Variants in DSCAM observed in about 807,000 individuals in gnomAD.
DSCAM encodes DS cell adhesion molecule.
A neutral mutation model predicts 217.7 loss-of-function variants in DSCAM; 47 were observed. That is an observed-to-expected ratio of 0.22 (90% CI 0.17 to 0.28). The LOEUF is 0.28. Among genes scored for constraint, DSCAM ranks in the 10% least tolerant of loss-of-function variants. The probability of loss-of-function intolerance (pLI) is 1.00; values close to 1 mark genes in which losing one functional copy is unlikely to be tolerated. For synonymous variants in DSCAM, 1,056 were observed against 1,015.3 expected, an observed-to-expected ratio of 1.04 and a Z score of -0.76; for missense variants, 2,080 against 2,618.3, an observed-to-expected ratio of 0.79 and a Z score of 4.49.
At chr21:40,073,226 G>A (rs979721126) in intron 27 of DSCAM, among the ~76,000 whole-genome samples, 2 of 152,192 alleles carry the variant, frequency 1.3e-5, no homozygotes, top group Non-Finnish European at 2.9e-5. Context: ...ATAGGAGTCA[G>A]GGAAAAGAAG....
rs2089468340 is a variant in DSCAM at position 40,081,934 on chromosome 21, A to C, written c.4232-1594T>G. Among the ~76,000 whole-genome samples the C allele has an allele frequency of 3.9e-5, 6 of 152,130 alleles. No homozygotes were observed. In the South Asian group the frequency reaches 1.2e-3, roughly 32 times the overall value. ...TGTTCTACCTCTCCCATGCTCTCACACTTGTAGAATCCAAGCCTCATTTCA... is the reference window on the plus strand; with the variant it reads ...TGTTCTACCTCTCCCATGCTCTCACCCTTGTAGAATCCAAGCCTCATTTCA... On this transcript the variant is annotated intron_variant, in intron 24 of 32. Transcript: ENST00000400454.
chr21:40,663,462 G>A (rs1397775616), intron 3 of DSCAM, among the ~76,000 whole-genome samples: 4 of 152,184 alleles, frequency 2.6e-5, no homozygotes, highest in African/African-American at 9.6e-5. Flanking sequence ...ACTGGACCAC[G>A]TACATCTATA....
At chr21:40,196,426 G>A (rs894625728) in intron 11 of DSCAM, among the ~76,000 whole-genome samples, 1 of 152,070 alleles carries the variant, frequency 6.6e-6, no homozygotes. Context: ...AGGCCCCACC[G>A]CACGTTGGCT....
chr21:40,627,281 T>C (rs2089614251), intron 3 of DSCAM, among the ~76,000 whole-genome samples: 1 of 152,202 alleles, frequency 6.6e-6, no homozygotes, highest in Non-Finnish European at 1.5e-5. Context: ...GAGATCACAG[T>C]GATAGCTGAG....
At chr21:40,696,100 T>C (rs1372374516) in intron 2 of DSCAM, among the ~76,000 whole-genome samples, 2 of 152,150 alleles carry the variant, frequency 1.3e-5, no homozygotes, top group Non-Finnish European at 2.9e-5. Flanking sequence ...AAAATACACT[T>C]TGTTTTAAAT....
chr21:40,663,231 A>G (rs2090159954), intron 3 of DSCAM, among the ~76,000 whole-genome samples: 2 of 110,370 alleles, frequency 1.8e-5, no homozygotes, highest in African/African-American at 3.5e-5. Context: ...GTGTGGGGGG[A>G]ATATAAGCAT....
chr21:40,459,518 A>G (rs56342505), intron 3 of DSCAM, among the ~76,000 whole-genome samples: 29,454 of 152,118 alleles, frequency 0.19, 3,409 homozygotes, highest in African/African-American at 0.31. Context: ...GCATGCTTTC[A>G]GATCCAAGAT....
intron 3 of DSCAM, among the ~76,000 whole-genome samples, chr21:40,532,905 T>C (rs1309636603): frequency 2.9e-4 from 32 of 109,728 alleles, no homozygotes; most frequent in African/African-American, 1.5e-3. Flanking sequence ...TGTGTGTGTG[T>C]GTGTGCACAC....
At chr21:40,475,969 G>T (rs140650984) in intron 3 of DSCAM, among the ~76,000 whole-genome samples, 4 of 152,120 alleles carry the variant, frequency 2.6e-5, no homozygotes, top group South Asian at 2.1e-4. Flanking sequence ...TATCTGTCAG[G>T]TTATCCAATC....
At chr21:40,565,952 C>A (rs148988049) in intron 3 of DSCAM, among the ~76,000 whole-genome samples, 1 of 152,270 alleles carries the variant, frequency 6.6e-6, no homozygotes, top group African/African-American at 2.4e-5. Flanking sequence ...CAACTTTACA[C>A]CCCAGCCAAG....
At chr21:40,134,121 T>C (rs2090183156) in intron 18 of DSCAM, 112 bp from the exon 19 acceptor site, 2 of 1,337,142 alleles carry the variant, frequency 1.5e-6, no homozygotes, top group Admixed American at 5.2e-5. Flanking sequence ...CGTCCAGCCA[T>C]CATCTGGACA....
intron 1 of DSCAM, among the ~76,000 whole-genome samples, chr21:40,720,736 T>G (rs1185437129): frequency 1.3e-5 from 2 of 151,916 alleles, no homozygotes; most frequent in Admixed American, 1.3e-4. Context: ...CCAGCTTACT[T>G]CCTGAGTTTC....
chr21:40,195,940 T>C (rs16999479), intron 11 of DSCAM, among the ~76,000 whole-genome samples: 10,304 of 152,308 alleles, frequency 0.068, 1,102 homozygotes, highest in African/African-American at 0.23. Flanking sequence ...TGCACAGTGT[T>C]GAATCAAAAT....
chr21:40,067,828 G>C (rs557838418), intron 27 of DSCAM, among the ~76,000 whole-genome samples: 2 of 148,066 alleles, frequency 1.4e-5, no homozygotes, highest in Non-Finnish European at 3.0e-5. Context: ...GATTCAAATA[G>C]CATTTCTCCT....
At position 40,075,076 on chromosome 21, in the gene DSCAM, G is replaced by A. The variant is rs772464092; in HGVS notation, c.4849C>T (p.Arg1617Trp). The change falls in exon 27 of 33, where the codon CGG becomes TGG. Residue 1617 changes from arginine to tryptophan, a missense_variant. Coordinates refer to ENST00000400454, the MANE Select transcript of DSCAM (RefSeq NM_001389.5). ...LLLFVLLLVV[R>W]RRRREQRLKR... ...AGCCTCTGCTCCCGCCGCCTCCTCC[G>A]CACAACCAGCAGGAGCACAAACAGC... 1.8e-5 allele frequency: 29 copies of A among 1,613,944 alleles called. No homozygotes were observed. The highest frequency in any genetic ancestry group is 4.0e-5 in the African/African-American group (3 of 74,880).
At chr21:40,241,460 T>G (rs191145846) in intron 11 of DSCAM, among the ~76,000 whole-genome samples, 1 of 152,302 alleles carries the variant, frequency 6.6e-6, no homozygotes, top group Non-Finnish European at 1.5e-5. Context: ...CCAGTCAGAA[T>G]AGCTATTATT....
chr21:40,311,343 A>T (rs1044294745), intron 9 of DSCAM, among the ~76,000 whole-genome samples: 1 of 152,252 alleles, frequency 6.6e-6, no homozygotes, highest in Non-Finnish European at 1.5e-5. Context: ...TGTTTGATAT[A>T]CATTAGAGAA....
chr21:40,384,264 A>C (rs560562695), intron 3 of DSCAM: 1 of 152,566 alleles, frequency 6.6e-6, no homozygotes, highest in African/African-American at 2.4e-5. Flanking sequence ...TGGTTAAAAC[A>C]GAGAATGCTG....
intron 3 of DSCAM, among the ~76,000 whole-genome samples, chr21:40,447,433 G>A (rs540524709): frequency 2.3e-4 from 35 of 152,158 alleles, no homozygotes; most frequent in African/African-American, 7.0e-4. Context: ...ATTACTGTTC[G>A]TGTGCTTTAT....
Sources: allele counts gnomAD v4.1 joint callset (sites outside exome capture counted in the v4.1 genomes callset), GRCh38; gene constraint gnomAD v4.1.1; transcripts MANE v1.5; gene names NCBI Gene and HGNC (gene_info 2026-07-23, HGNC 2026-07-21).